Variants in PRIMA1 observed in about 807,000 individuals in gnomAD.
PRIMA1 encodes proline rich membrane anchor 1.
PRIMA1 carries 7 observed loss-of-function variants against 17.5 expected under a neutral mutation model. The observed-to-expected ratio is 0.40, with a 90% CI of 0.23 to 0.75. The LOEUF (loss-of-function observed/expected upper bound fraction) is 0.75. Among genes scored for constraint, PRIMA1 ranks in the 30% least tolerant of loss-of-function variants. The pLI is 0.37. For missense variants in PRIMA1, 200 were observed against 201.8 expected, an observed-to-expected ratio of 0.99 and a Z score of 0.05; for synonymous variants, 97 against 77.9, an observed-to-expected ratio of 1.25 and a Z score of -1.29.
intron 3 of PRIMA1, among the ~76,000 whole-genome samples, chr14:93,765,863 G>A (rs1226613090): frequency 6.6e-6 from 1 of 152,096 alleles, no homozygotes; most frequent in Non-Finnish European, 1.5e-5. Context: ...GCCCCCTAAA[G>A]GCCAGCTGAA....
intron 3 of PRIMA1, among the ~76,000 whole-genome samples, chr14:93,759,420 G>C (rs1386639766): frequency 1.3e-5 from 2 of 152,130 alleles, no homozygotes; most frequent in Non-Finnish European, 2.9e-5. Flanking sequence ...GATAAAATCT[G>C]CTCAAGGTGA....
chr14:93,758,792 A>G (rs2076308417), intron 3 of PRIMA1, among the ~76,000 whole-genome samples: 1 of 152,180 alleles, frequency 6.6e-6, no homozygotes, highest in South Asian at 2.1e-4. Context: ...TGAGCAAAGC[A>G]TTGTGCAATG....
chr14:93,765,319 G>A (rs2141183015), intron 3 of PRIMA1, among the ~76,000 whole-genome samples: 1 of 151,582 alleles, frequency 6.6e-6, no homozygotes, highest in South Asian at 2.1e-4. Context: ...CACTTTCCAT[G>A]TGTCCAGCCC....
At chr14:93,760,629 G>A (rs1055110275) in intron 3 of PRIMA1, among the ~76,000 whole-genome samples, 3 of 152,078 alleles carry the variant, frequency 2.0e-5, no homozygotes, top group African/African-American at 7.2e-5. Flanking sequence ...TTGCCTGGCT[G>A]GTGAGCTCCA....
intron 2 of PRIMA1, among the ~76,000 whole-genome samples, chr14:93,781,645 G>T (rs1317795332): frequency 6.6e-6 from 1 of 152,210 alleles, no homozygotes; most frequent in East Asian, 1.9e-4. Context: ...AAAAATCAGG[G>T]CCAAATTTCA....
chr14:93,736,752 A>G lies in PRIMA1; in HGVS notation c.359+489T>C, dbSNP rs574323816. Among the ~76,000 whole-genome samples, 15 of 152,378 alleles carry G rather than the reference A, an allele frequency of 9.8e-5. No individual in the cohort carries two copies. The South Asian group carries it at 2.1e-3, about 21-fold the overall frequency. On this transcript the variant is annotated intron_variant, in intron 4 of 4. Coordinates refer to ENST00000393140, the MANE Select transcript of PRIMA1 (RefSeq NM_178013.4). ...CATAGAACAACCAACTTAAAGAGTA[A>G]ACTTAAATATTTTAGATGTTAGGAA...
intron 3 of PRIMA1, among the ~76,000 whole-genome samples, chr14:93,756,883 G>A (rs1055507449): frequency 6.6e-5 from 10 of 151,990 alleles, no homozygotes; most frequent in Admixed American, 6.6e-4. Context: ...CTTCAAACGT[G>A]TCCTCCACAG....
chr14:93,779,309 C>T lies in PRIMA1; in HGVS notation c.96G>A (p.Val32=). Residue 32 remains valine, a splice_region_variant and synonymous_variant, in exon 3 of 5, where the codon GTG becomes GTA. Coordinates refer to ENST00000393140, the MANE Select transcript of PRIMA1 (RefSeq NM_178013.4). ...AGGACTTCTGGGGCTCACCATGCGT[C>T]ACCTGTACACATGGGCACACGTACC... ...ALHPLWGFVQ[V]THGEPQKSCS... is the part of the protein sequence containing the mutation. 1 of 1,550,406 alleles carries T rather than the reference C, an allele frequency of 6.4e-7. No homozygotes were observed. Among genetic ancestry groups the T allele is most frequent in the Non-Finnish European group, 8.7e-7 (1 of 1,153,964 alleles).
intron 4 of PRIMA1, among the ~76,000 whole-genome samples, chr14:93,725,011 A>G (rs2076064850): frequency 1.3e-5 from 2 of 152,094 alleles, no homozygotes; most frequent in Non-Finnish European, 2.9e-5. Flanking sequence ...GCTTCCTGCC[A>G]TCTCTGAGAC....
At chr14:93,734,716 T>C (rs943465762) in intron 4 of PRIMA1, among the ~76,000 whole-genome samples, 2 of 151,650 alleles carry the variant, frequency 1.3e-5, no homozygotes, top group Admixed American at 1.3e-4. Flanking sequence ...CCCATGCCTC[T>C]AGAAGAAGCC....
intron 2 of PRIMA1, among the ~76,000 whole-genome samples, chr14:93,787,150 C>G (rs1471519887): frequency 6.6e-6 from 1 of 152,170 alleles, no homozygotes; most frequent in Admixed American, 6.5e-5. Context: ...CCTGGGCAGT[C>G]CTGACAGATG....
chr14:93,739,354 A>G (rs75804575), intron 3 of PRIMA1, among the ~76,000 whole-genome samples: 2,464 of 152,198 alleles, frequency 0.016, 68 homozygotes, highest in African/African-American at 0.057. Context: ...GCCTGGCCAC[A>G]ATTTGTTTAT....
chr14:93,728,340 T>C (rs1246306094), intron 4 of PRIMA1, among the ~76,000 whole-genome samples: 3 of 151,964 alleles, frequency 2.0e-5, no homozygotes, highest in Non-Finnish European at 4.4e-5. Flanking sequence ...AGGGAGAGAA[T>C]AGCGGGAGGC....
intron 3 of PRIMA1, among the ~76,000 whole-genome samples, chr14:93,745,554 G>A (rs944744343): frequency 2.6e-5 from 4 of 152,204 alleles, no homozygotes; most frequent in Non-Finnish European, 5.9e-5. Context: ...CTTGCCCCAC[G>A]CTCCTCAATA....
intron 3 of PRIMA1, 31 bp from the exon 4 acceptor site, chr14:93,737,401 C>T (rs117131979): frequency 0.022 from 36,063 of 1,604,874 alleles, 567 homozygotes; most frequent in Middle Eastern, 0.061. Context: ...CTGAGTGTCA[C>T]CTGGATGAGC....
chr14:93,752,343 A>G (rs1436819284), intron 3 of PRIMA1, among the ~76,000 whole-genome samples: 7 of 152,200 alleles, frequency 4.6e-5, no homozygotes, highest in Non-Finnish European at 2.9e-5. Context: ...GGGAGACCGC[A>G]GGAGGGAGAC....
intron 4 of PRIMA1, 76 bp downstream of exon 4, chr14:93,737,165 G>A (rs575945417): frequency 1.9e-5 from 26 of 1,405,374 alleles, no homozygotes; most frequent in African/African-American, 1.7e-4. Context: ...ATAATGATAC[G>A]GGATGTGTGT....
chr14:93,750,968 C>G (rs2076255705), intron 3 of PRIMA1, among the ~76,000 whole-genome samples: 1 of 152,126 alleles, frequency 6.6e-6, no homozygotes, highest in South Asian at 2.1e-4. Context: ...CTGACTTGGC[C>G]ACACCATACC....
chr14:93,763,856 A>AC (rs763385983), intron 3 of PRIMA1, among the ~76,000 whole-genome samples: 1 of 150,464 alleles, frequency 6.6e-6, no homozygotes, highest in Non-Finnish European at 1.5e-5. Context: ...TGGTGCCTCC[A>AC]CCCCACATCC....
Sources: gnomAD v4.1 joint callset for allele counts (sites outside exome capture counted in the v4.1 genomes callset) on GRCh38, gnomAD v4.1.1 for gene constraint, MANE v1.5 for transcripts, NCBI Gene and HGNC (gene_info 2026-07-23, HGNC 2026-07-21) for gene names.